Variants in PGM5 observed in about 807,000 individuals in gnomAD.
The protein encoded by PGM5 is phosphoglucomutase-like protein 5.
PGM5 carries 23 observed loss-of-function variants against 59.2 expected under a neutral mutation model. The ratio of observed to expected loss-of-function variants is 0.39; its 90% CI spans 0.28 to 0.55. The LOEUF is 0.55. PGM5 is among the 20% of genes least tolerant of loss of function. The pLI is 0.66. For synonymous variants in PGM5, 214 were observed against 286.0 expected (o/e 0.75, Z 2.54); for missense variants, 574 against 748.3 (o/e 0.77, Z 2.72).
chr9:68,435,247 A>AT (rs1364097329), intron 6 of PGM5, among the ~76,000 whole-genome samples: 3 of 152,204 alleles, frequency 2.0e-5, no homozygotes, highest in Admixed American at 1.3e-4. Flanking sequence ...AGTTTTTAGA[A>AT]TTTTAACAGC....
At chr9:68,502,814 C>T (rs994353639) in intron 10 of PGM5, among the ~76,000 whole-genome samples, 2 of 152,202 alleles carry the variant, frequency 1.3e-5, no homozygotes, top group South Asian at 4.1e-4. Flanking sequence ...CTCAGCCCCC[C>T]GAGTAGCGGG....
intron 7 of PGM5, among the ~76,000 whole-genome samples, chr9:68,471,895 G>A (rs977063569): frequency 6.6e-6 from 1 of 151,860 alleles, no homozygotes; most frequent in Non-Finnish European, 1.5e-5. Context: ...CTCCAGCCTG[G>A]GTGACAGGGT....
intron 10 of PGM5, among the ~76,000 whole-genome samples, chr9:68,506,231 C>CACAGTGGCTGAGTTTCAGCCAATT: frequency 6.6e-6 from 1 of 152,316 alleles, no homozygotes; most frequent in Admixed American, 6.5e-5. Flanking sequence ...CTCAGCCAAT[C>CACAGTGGCTGAGTTTCAGCCAATT]ACAGTGGCTG....
At chr9:68,498,037 G>A (rs1824509129) in intron 9 of PGM5, 1 of 152,256 alleles carries the variant, frequency 6.6e-6, no homozygotes, top group Admixed American at 6.5e-5. Flanking sequence ...AAGAAGTCAG[G>A]TAAGAAGTGT....
At chr9:68,468,890 A>G (rs940121414) in intron 7 of PGM5, among the ~76,000 whole-genome samples, 1 of 152,230 alleles carries the variant, frequency 6.6e-6, no homozygotes, top group Non-Finnish European at 1.5e-5. Flanking sequence ...TATCCTAAAG[A>G]GAAGTACACA....
At chr9:68,445,912 A>C (rs1823604079) in intron 6 of PGM5, among the ~76,000 whole-genome samples, 1 of 152,230 alleles carries the variant, frequency 6.6e-6, no homozygotes, top group Non-Finnish European at 1.5e-5. Context: ...GCCTTTTAAA[A>C]GTAATCAGTT....
At chr9:68,512,480 C>A (rs1554689446) in intron 10 of PGM5, among the ~76,000 whole-genome samples, 2 of 152,188 alleles carry the variant, frequency 1.3e-5, no homozygotes, top group East Asian at 3.8e-4. Flanking sequence ...AGTGTGTTGA[C>A]AGAGCTGGTT....
chr9:68,391,263 G>C (rs1822356471), intron 4 of PGM5, among the ~76,000 whole-genome samples: 1 of 151,848 alleles, frequency 6.6e-6, no homozygotes, highest in African/African-American at 2.4e-5. Flanking sequence ...TTTCTTTCTG[G>C]CAACCTTTTA....
intron 8 of PGM5, among the ~76,000 whole-genome samples, chr9:68,481,105 T>TC (rs1219492902): frequency 2.0e-5 from 3 of 152,230 alleles, no homozygotes; most frequent in Non-Finnish European, 4.4e-5. Context: ...TGGTTGTGTT[T>TC]CAAGAGCTTA....
intron 9 of PGM5, among the ~76,000 whole-genome samples, chr9:68,494,328 G>A (rs1554688037): frequency 6.6e-6 from 1 of 152,154 alleles, no homozygotes; most frequent in Non-Finnish European, 1.5e-5. Flanking sequence ...TGTTTTATTA[G>A]CCTCACTGTG....
intron 1 of PGM5, among the ~76,000 whole-genome samples, chr9:68,375,944 T>C (rs1821870116): frequency 6.6e-6 from 1 of 152,202 alleles, no homozygotes; most frequent in East Asian, 1.9e-4. Context: ...CGGATCATGT[T>C]TGGTATGTTT....
chr9:68,490,620 G>C (rs919051207), intron 9 of PGM5, among the ~76,000 whole-genome samples: 1 of 152,220 alleles, frequency 6.6e-6, no homozygotes, highest in Non-Finnish European at 1.5e-5. Context: ...CTCCCAAAGT[G>C]CTGGGACTAC....
chr9:68,511,515 G>A (rs1824748866), intron 10 of PGM5, among the ~76,000 whole-genome samples: 1 of 117,682 alleles, frequency 8.5e-6, no homozygotes, highest in Non-Finnish European at 1.8e-5. Context: ...TTCAATAAAT[G>A]TTGATTGTCA....
At chr9:68,421,847 T>C (rs1358269746) in intron 6 of PGM5, among the ~76,000 whole-genome samples, 17 of 151,514 alleles carry the variant, frequency 1.1e-4, no homozygotes, top group African/African-American at 4.1e-4. Flanking sequence ...GTACAATTTG[T>C]AGAGAAGAAA....
chr9:68,446,802 T>TTATAA (rs1554684025), intron 6 of PGM5, among the ~76,000 whole-genome samples: 1 of 152,262 alleles, frequency 6.6e-6, no homozygotes, highest in Non-Finnish European at 1.5e-5. Flanking sequence ...GTGTGTGTTC[T>TTATAA]GTTCCACTTG....
At position 68,483,875 on chromosome 9, in the gene PGM5, G is replaced by A; in HGVS notation, c.1306G>A (p.Glu436Lys). 2 of 1,614,078 alleles carry A rather than the reference G, an allele frequency of 1.2e-6. No individual in the cohort carries two copies. The highest frequency in any genetic ancestry group is 8.5e-7 in the Non-Finnish European group (1 of 1,179,966). Residue 436 changes from glutamate (E) to lysine (K), a missense_variant, in exon 9 of 11, where the codon GAG becomes AAG. Coordinates refer to ENST00000396396, the MANE Select transcript of PGM5 (RefSeq NM_021965.4). ...CTGTGTCCTCACCAGGTTTGACTAT[G>A]AGGGGTTGGATCCCAAGACGACATA... ...GRHYYCRFDY[E>K]GLDPKTTYYI...
At chr9:68,383,820 T>A (rs1384994643) in intron 2 of PGM5, among the ~76,000 whole-genome samples, 6 of 150,816 alleles carry the variant, frequency 4.0e-5, no homozygotes, top group Admixed American at 4.0e-4. Flanking sequence ...TAAAGTCTAA[T>A]ACTACTTGTC....
chr9:68,394,422 A>G lies in PGM5; in HGVS notation c.1043+1949A>G, dbSNP rs1262229184. 3 of 152,202 alleles carry G rather than the reference A, an allele frequency of 2.0e-5. No individual in the cohort carries two copies. The East Asian group carries it at 5.8e-4, about 29-fold the overall frequency. The allele number at this position is 152,202 out of a possible 1,614,324, so 9.4% of individuals were successfully genotyped here. ...ACAGAGGTTGCAGTGAGCCGATACC[A>G]TGCCATTGCACTCCAGCCTGGGCAA... On this transcript the variant is annotated intron_variant, in intron 6 of 10. Coordinates refer to ENST00000396396, the MANE Select transcript of PGM5 (RefSeq NM_021965.4).
chr9:68,469,799 G>A (rs1823993049), intron 7 of PGM5, among the ~76,000 whole-genome samples: 1 of 152,212 alleles, frequency 6.6e-6, no homozygotes, highest in Admixed American at 6.5e-5. Flanking sequence ...GGGAAGGAAG[G>A]TTGGAAAGAT....
Sources: allele counts gnomAD v4.1 joint callset (sites outside exome capture counted in the v4.1 genomes callset), GRCh38; gene constraint gnomAD v4.1.1; transcripts MANE v1.5; gene names NCBI Gene and HGNC (gene_info 2026-07-23, HGNC 2026-07-21).